VDAC1: variants seen among roughly 807,000 people sequenced by gnomAD.
VDAC1 encodes the protein non-selective voltage-gated ion channel VDAC1.
VDAC1 carries 10 observed loss-of-function variants against 34.7 expected under a neutral mutation model. The ratio of observed to expected loss-of-function variants is 0.29; its 90% CI spans 0.18 to 0.49. The LOEUF (loss-of-function observed/expected upper bound fraction) is 0.49. VDAC1 is among the 20% of genes least tolerant of loss of function. The pLI, the probability that VDAC1 is intolerant of heterozygous loss-of-function variation, is 0.99. For missense variants in VDAC1, 230 were observed against 347.9 expected, an observed-to-expected ratio of 0.66 and a Z score of 2.69; for synonymous variants, 130 against 136.0, an observed-to-expected ratio of 0.96 and a Z score of 0.30.
chr5:134,058,244 CTGAG>C, the VDAC1 span, among the ~76,000 whole-genome samples: 1 of 152,050 alleles, frequency 6.6e-6, no homozygotes, highest in Non-Finnish European at 1.5e-5. Flanking sequence ...GATAAAAAGG[CTGAG>C]TGAGTGGCCA....
chr5:134,039,368 G>A, the VDAC1 span, among the ~76,000 whole-genome samples: 22 of 152,044 alleles, frequency 1.4e-4, no homozygotes, highest in Admixed American at 6.5e-5. Context: ...TCCCTCTGTC[G>A]CCCAGGCTGG....
the VDAC1 span, among the ~76,000 whole-genome samples, chr5:134,065,337 A>ATTT: frequency 6.9e-5 from 7 of 101,384 alleles, no homozygotes; most frequent in African/African-American, 1.5e-4. Flanking sequence ...TTTAATTTTA[A>ATTT]TTTTTTTTTT....
the VDAC1 span, among the ~76,000 whole-genome samples, chr5:134,057,613 T>G: frequency 1.3e-5 from 2 of 150,928 alleles, no homozygotes; most frequent in Non-Finnish European, 2.9e-5. Context: ...TGCTTGAACC[T>G]GGGAGGCGGA....
At chr5:134,024,558 G>A in the VDAC1 span, among the ~76,000 whole-genome samples, 1 of 150,310 alleles carries the variant, frequency 6.7e-6, no homozygotes, top group Admixed American at 6.6e-5. Context: ...AAAAAACCTG[G>A]CTAATTCCTC....
chr5:134,092,341 T>G, the VDAC1 span, among the ~76,000 whole-genome samples: 1 of 152,194 alleles, frequency 6.6e-6, no homozygotes, highest in South Asian at 2.1e-4. Flanking sequence ...AAAAAAATTA[T>G]CAGCAAAACT....
rs772852563 is a variant in VDAC1 at position 133,980,947 on chromosome 5, A to AT, written c.332dup (p.Asn111LysfsTer3). On this transcript the variant is annotated frameshift_variant, in exon 6 of 9. Coordinates refer to ENST00000265333, the MANE Select transcript of VDAC1 (RefSeq NM_003374.3). LOFTEE classifies it high-confidence loss of function. ...GCTTGTACCCTGTCTTGATTTTAGCATTTTTTTTCCTGAAGGAAAATAAGT... is the reference window on the plus strand; with the variant it reads ...GCTTGTACCCTGTCTTGATTTTAGCATTTTTTTTTCCTGAAGGAAAATAAGT... 3.7e-6 allele frequency: 6 copies of AT among 1,611,414 alleles called. No individual in the cohort carries two copies. The highest frequency in any genetic ancestry group is 1.7e-4 in the Middle Eastern group (1 of 6,046).
chr5:134,065,789 ATTTTT>A, the VDAC1 span, among the ~76,000 whole-genome samples: 1 of 99,850 alleles, frequency 1.0e-5, no homozygotes, highest in Non-Finnish European at 1.9e-5. Flanking sequence ...CAGATAGTAA[ATTTTT>A]TTTTTTTTTT....
At chr5:133,992,003 A>G (rs968541430) in intron 3 of VDAC1, among the ~76,000 whole-genome samples, 1 of 152,178 alleles carries the variant, frequency 6.6e-6, no homozygotes, top group African/African-American at 2.4e-5. Flanking sequence ...TTGGGAGGCC[A>G]AGGTGGGCGG....
At chr5:134,113,241 C>T in the VDAC1 span, among the ~76,000 whole-genome samples, 22 of 152,334 alleles carry the variant, frequency 1.4e-4, no homozygotes, top group East Asian at 5.8e-4. Context: ...GCTGAGCACT[C>T]GTGCCCATGC....
chr5:133,993,285 C>T (rs960348573), intron 1 of VDAC1, among the ~76,000 whole-genome samples: 2 of 152,196 alleles, frequency 1.3e-5, no homozygotes, highest in African/African-American at 4.8e-5. Flanking sequence ...GGACTGAGCC[C>T]AGGCCCAGAA....
chr5:134,111,804 G>C, the VDAC1 span, among the ~76,000 whole-genome samples: 2 of 152,294 alleles, frequency 1.3e-5, no homozygotes, highest in East Asian at 1.9e-4. Context: ...GTGATAGTTA[G>C]GATGTGGGCT....
chr5:134,084,273 A>G, the VDAC1 span, among the ~76,000 whole-genome samples: 3 of 152,150 alleles, frequency 2.0e-5, no homozygotes, highest in African/African-American at 7.2e-5. Flanking sequence ...GGAAGAGTCT[A>G]CTGGAGTATT....
At chr5:134,004,613 C>CA (rs1753689804) in intron 1 of VDAC1, 1 of 151,836 alleles carries the variant, frequency 6.6e-6, no homozygotes, top group South Asian at 2.1e-4. Context: ...GTCCAGGGCG[C>CA]AAGGAAGCCG....
chr5:133,978,259 T>C (rs1752555357), intron 6 of VDAC1, among the ~76,000 whole-genome samples: 1 of 152,076 alleles, frequency 6.6e-6, no homozygotes, highest in Admixed American at 6.6e-5. Context: ...CTCAAACTCC[T>C]GGGCTCAAGT....
the VDAC1 span, among the ~76,000 whole-genome samples, chr5:134,042,882 C>T: frequency 1.8e-4 from 27 of 152,338 alleles, no homozygotes; most frequent in African/African-American, 6.3e-4. Flanking sequence ...GGTCCCCCAC[C>T]TCCAGAGGAA....
At chr5:134,104,270 C>A in the VDAC1 span, among the ~76,000 whole-genome samples, 1 of 152,194 alleles carries the variant, frequency 6.6e-6, no homozygotes, top group Non-Finnish European at 1.5e-5. Context: ...CCCATTTTCC[C>A]AGGCCACTAC....
At chr5:134,014,285 G>A in the VDAC1 span, among the ~76,000 whole-genome samples, 1 of 151,958 alleles carries the variant, frequency 6.6e-6, no homozygotes, top group South Asian at 2.1e-4. Context: ...GTGAGACTCC[G>A]TCTCAAAAAA....
chr5:134,070,703 T>C, the VDAC1 span, among the ~76,000 whole-genome samples: 3 of 152,182 alleles, frequency 2.0e-5, no homozygotes, highest in African/African-American at 4.8e-5. Flanking sequence ...TACTCATGAT[T>C]TGAAGTCTCG....
chr5:134,009,247 CTTTTTTTTTTT>C (rs869155174), upstream of VDAC1, among the ~76,000 whole-genome samples: 1 of 87,070 alleles, frequency 1.1e-5, no homozygotes, highest in South Asian at 3.8e-4. Context: ...TTTATCAATT[CTTTTTTTTTTT>C]TTTTTTTTTT....
Sources: allele counts gnomAD v4.1 joint callset (sites outside exome capture counted in the v4.1 genomes callset), GRCh38; gene constraint gnomAD v4.1.1; transcripts MANE v1.5; gene names NCBI Gene and HGNC (gene_info 2026-07-23, HGNC 2026-07-21).